UBE3D: variants seen among roughly 807,000 people sequenced by gnomAD.
The protein encoded by UBE3D is ubiquitin protein ligase E3D, also known as E3 ubiquitin-protein ligase E3D.
In UBE3D, 48 loss-of-function variants were observed where a neutral mutation model predicts 49.6. That is an observed-to-expected ratio of 0.97 (90% CI 0.77 to 1.23). The LOEUF (loss-of-function observed/expected upper bound fraction) is 1.23, where lower values mean the gene tolerates loss of function less well. Ranked by LOEUF, UBE3D falls within the 50% of genes most tolerant of loss-of-function variation. The pLI is 0.00. For synonymous variants in UBE3D, 189 were observed against 174.2 expected, an observed-to-expected ratio of 1.08 and a Z score of -0.67; for missense variants, 452 against 468.4, an observed-to-expected ratio of 0.96 and a Z score of 0.32.
chr6:82,999,392 T>G (rs1562168825), intron 8 of UBE3D, among the ~76,000 whole-genome samples: 1 of 152,102 alleles, frequency 6.6e-6, no homozygotes, highest in Non-Finnish European at 1.5e-5. Context: ...CCCTGTTGGC[T>G]TTTATATTTT....
chr6:83,020,750 G>A (rs1321340203), intron 7 of UBE3D, among the ~76,000 whole-genome samples: 1 of 152,166 alleles, frequency 6.6e-6, no homozygotes, highest in Admixed American at 6.5e-5. Context: ...TCCCCATAAT[G>A]GATGGCCAGC....
the UBE3D span, among the ~76,000 whole-genome samples, chr6:82,883,067 T>C: frequency 2.0e-5 from 3 of 152,224 alleles, no homozygotes; most frequent in East Asian, 5.8e-4. Context: ...GGTCATTATA[T>C]TCATCTAAGA....
At chr6:83,000,630 T>C (rs1004231916) in intron 8 of UBE3D, among the ~76,000 whole-genome samples, 2 of 152,224 alleles carry the variant, frequency 1.3e-5, no homozygotes, top group Non-Finnish European at 2.9e-5. Context: ...TCGGTTCTTA[T>C]TGTTCTTAGG....
At chr6:83,003,526 C>G (rs1779772508) in intron 8 of UBE3D, among the ~76,000 whole-genome samples, 2 of 152,162 alleles carry the variant, frequency 1.3e-5, no homozygotes, top group African/African-American at 4.8e-5. Flanking sequence ...TCATGTGTCG[C>G]TTAACAACGT....
At chr6:83,005,782 A>G (rs545677601) in intron 8 of UBE3D, among the ~76,000 whole-genome samples, 2 of 152,324 alleles carry the variant, frequency 1.3e-5, no homozygotes, top group South Asian at 4.1e-4. Flanking sequence ...TGATATATAC[A>G]TACCATGGAA....
At chr6:82,934,284 A>G (rs1403927878) in intron 9 of UBE3D, among the ~76,000 whole-genome samples, 2 of 152,204 alleles carry the variant, frequency 1.3e-5, no homozygotes, top group Non-Finnish European at 2.9e-5. Flanking sequence ...TTTTCTTTAT[A>G]AATTATCCAG....
chr6:83,060,210 G>A (rs574731701), intron 1 of UBE3D, among the ~76,000 whole-genome samples: 12 of 152,144 alleles, frequency 7.9e-5, no homozygotes, highest in Non-Finnish European at 1.6e-4. Context: ...AGCAGGTGAG[G>A]AGAGTGTCAA....
intron 8 of UBE3D, among the ~76,000 whole-genome samples, chr6:82,963,406 GAACT>G (rs1776692899): frequency 6.6e-6 from 1 of 152,018 alleles, no homozygotes; most frequent in Non-Finnish European, 1.5e-5. Flanking sequence ...TAGAGAAACA[GAACT>G]AATAAGACAG....
intron 1 of UBE3D, among the ~76,000 whole-genome samples, chr6:83,064,407 TAGTAGAG>T (rs1784368921): frequency 1.3e-5 from 2 of 152,070 alleles, no homozygotes. Flanking sequence ...TTTGTATTTT[TAGTAGAG>T]ACAGGGTTTC....
chr6:83,013,102 G>A (rs1383234829), intron 8 of UBE3D, among the ~76,000 whole-genome samples: 3 of 152,088 alleles, frequency 2.0e-5, no homozygotes, highest in Admixed American at 6.6e-5. Context: ...GGACCTGCTC[G>A]AGCCCAATCA....
At chr6:83,026,412 C>T (rs1324790135) in intron 5 of UBE3D, among the ~76,000 whole-genome samples, 1 of 151,924 alleles carries the variant, frequency 6.6e-6, no homozygotes, top group Non-Finnish European at 1.5e-5. Flanking sequence ...TGCGCTCCAG[C>T]CTGAGAGACA....
intron 9 of UBE3D, among the ~76,000 whole-genome samples, chr6:82,952,306 T>G (rs1424964481): frequency 6.6e-6 from 1 of 152,072 alleles, no homozygotes; most frequent in Non-Finnish European, 1.5e-5. Context: ...ACCTTCCTTA[T>G]GGAGGTATCA....
At chr6:83,005,428 C>T (rs950224476) in intron 8 of UBE3D, among the ~76,000 whole-genome samples, 13 of 151,888 alleles carry the variant, frequency 8.6e-5, no homozygotes, top group African/African-American at 4.8e-5. Flanking sequence ...ATGAAGGTTC[C>T]TCAAATAATT....
At chr6:83,012,376 C>T (rs1160344374) in intron 8 of UBE3D, among the ~76,000 whole-genome samples, 1 of 152,186 alleles carries the variant, frequency 6.6e-6, no homozygotes, top group East Asian at 1.9e-4. Flanking sequence ...CAGTGTTGGT[C>T]TCTGCTGCTG....
intron 5 of UBE3D, among the ~76,000 whole-genome samples, chr6:83,029,056 C>T (rs1781681317): frequency 6.6e-6 from 1 of 152,166 alleles, no homozygotes; most frequent in Non-Finnish European, 1.5e-5. Context: ...CTTAATCTTT[C>T]AACAGATTGA....
chr6:83,058,261 T>G (rs769678373), intron 1 of UBE3D, among the ~76,000 whole-genome samples: 32 of 152,204 alleles, frequency 2.1e-4, no homozygotes, highest in Non-Finnish European at 3.7e-4. Context: ...GATTTTTGGT[T>G]CTTCCTTCTG....
intron 9 of UBE3D, among the ~76,000 whole-genome samples, chr6:82,921,385 C>G (rs1178968687): frequency 6.6e-6 from 1 of 152,132 alleles, no homozygotes; most frequent in African/African-American, 2.4e-5. Context: ...GGCTTCTGCC[C>G]ATCCTGGAAG....
At chr6:83,001,596 T>A (rs1171642214) in intron 8 of UBE3D, among the ~76,000 whole-genome samples, 3 of 152,176 alleles carry the variant, frequency 2.0e-5, no homozygotes, top group African/African-American at 7.2e-5. Context: ...CTGGGCAATA[T>A]CTTCTTACAG....
intron 5 of UBE3D, among the ~76,000 whole-genome samples, chr6:83,031,735 C>A (rs1003170793): frequency 6.6e-6 from 1 of 152,238 alleles, no homozygotes; most frequent in African/African-American, 2.4e-5. Context: ...CCCCTCCCAT[C>A]ACAGGCCTGG....
Sources: allele counts gnomAD v4.1 joint callset (sites outside exome capture counted in the v4.1 genomes callset), GRCh38; gene constraint gnomAD v4.1.1; transcripts MANE v1.5; gene names NCBI Gene and HGNC (gene_info 2026-07-23, HGNC 2026-07-21).